Variants in HELZ observed in about 807,000 individuals in gnomAD.
The protein encoded by HELZ is ATP-dependent RNA helicase with zinc finger domain.
HELZ carries 23 observed loss-of-function variants against 218.2 expected under a neutral mutation model. That is an observed-to-expected ratio of 0.11 (90% confidence interval 0.08 to 0.15). The LOEUF is 0.15. Ranked by LOEUF, HELZ falls within the 10% of genes least tolerant of loss-of-function variation. HELZ has a pLI of 1.00. For missense variants in HELZ, 1,813 were observed against 2,353.7 expected, an observed-to-expected ratio of 0.77 and a Z score of 4.75; for synonymous variants, 814 against 829.4, an observed-to-expected ratio of 0.98 and a Z score of 0.32.
At chr17:67,217,914 G>GT (rs2040644624) in intron 4 of HELZ, among the ~76,000 whole-genome samples, 1 of 148,842 alleles carries the variant, frequency 6.7e-6, no homozygotes. Flanking sequence ...TTTTTTTTTG[G>GT]TTTTTGTTTT....
At chr17:67,234,077 A>C (rs1365595603) in intron 3 of HELZ, among the ~76,000 whole-genome samples, 2 of 150,670 alleles carry the variant, frequency 1.3e-5, no homozygotes, top group Non-Finnish European at 3.0e-5. Context: ...GAGAGAGAGA[A>C]CTTTGGGAGG....
At chr17:67,152,159 GGA>G (rs1343332619) in intron 17 of HELZ, among the ~76,000 whole-genome samples, 7 of 152,210 alleles carry the variant, frequency 4.6e-5, no homozygotes, top group African/African-American at 1.7e-4. Flanking sequence ...GCTAGGAAGG[GGA>G]GAGGATTCCG....
intron 32 of HELZ, among the ~76,000 whole-genome samples, chr17:67,086,625 A>AATATAAATATAT (rs1443983741): frequency 2.6e-5 from 1 of 38,546 alleles, no homozygotes; most frequent in Non-Finnish European, 4.6e-5. Context: ...AATAAATATA[A>AATATAAATATAT]ATATAAATAT....
intron 5 of HELZ, among the ~76,000 whole-genome samples, chr17:67,212,531 G>A (rs1248835252): frequency 6.6e-6 from 1 of 151,564 alleles, no homozygotes; most frequent in Non-Finnish European, 1.5e-5. Flanking sequence ...ACTAAAAGTT[G>A]AAAAGAAAAA....
Position 67,167,612 on chromosome 17 carries a change from C to G in HELZ, c.1615G>C (p.Val539Leu), listed in dbSNP as rs1044755795. ...TKVNAVYLLP[V>L]PKQKLVQTQG... ...GTCTGTACTAACTTCTGTTTAGGGA[C>G]TGGTAATAAATAAACAGCATTGACT... The change falls in exon 14 of 33, where the codon GTC becomes CTC. Residue 539 changes from valine (V) to leucine (L), a missense_variant. By Grantham distance (32) the Val-to-Leu change is conservative. Coordinates refer to ENST00000358691, the MANE Select transcript of HELZ (RefSeq NM_014877.4). The G allele has an allele frequency of 6.2e-7, 1 of 1,614,150 alleles. No individual in the cohort carries two copies. Among genetic ancestry groups the G allele is most frequent in the Non-Finnish European group, 8.5e-7 (1 of 1,180,026 alleles).
chr17:67,204,519 T>C (rs1027190789), intron 5 of HELZ, among the ~76,000 whole-genome samples: 1 of 152,220 alleles, frequency 6.6e-6, no homozygotes, highest in African/African-American at 2.4e-5. Context: ...TTTATCTTAT[T>C]ATTGGCTATA....
rs1192107352 is a variant in HELZ, at chr17:67,070,485, G to T, written c.*7767C>A. On this transcript the variant is annotated 3_prime_UTR_variant, in exon 33 of 33. Transcript: ENST00000358691. ...TTATTATAAATACATTTTAGTTGTAGCAGTAAAATACATTTTGTTACCATG... is the reference window on the plus strand; with the variant it reads ...TTATTATAAATACATTTTAGTTGTATCAGTAAAATACATTTTGTTACCATG... 1 of 152,176 alleles carries T rather than the reference G, an allele frequency of 6.6e-6. No individual in the cohort carries two copies. The highest frequency in any genetic ancestry group is 2.4e-5 in the African/African-American group (1 of 41,444). The allele number at this position is 152,176 out of a possible 1,614,324, so 9.4% of individuals were successfully genotyped here.
At chr17:67,138,226 A>G (rs913604764) in intron 21 of HELZ, 112 bp from the exon 22 acceptor site, 1 of 264,100 alleles carries the variant, frequency 3.8e-6, no homozygotes, top group African/African-American at 3.9e-5. Flanking sequence ...GATGTCATTT[A>G]AAAAAAAAAA....
chr17:67,141,030 C>G (rs1398435828), intron 21 of HELZ, among the ~76,000 whole-genome samples: 10 of 152,102 alleles, frequency 6.6e-5, no homozygotes, highest in Admixed American at 6.6e-4. Flanking sequence ...GAAACATAAC[C>G]TAAGAGAATT....
intron 32 of HELZ, among the ~76,000 whole-genome samples, chr17:67,086,423 T>C (rs137856700): frequency 8.7e-4 from 132 of 150,940 alleles, no homozygotes; most frequent in African/African-American, 3.1e-3. Context: ...CATCTCTAGA[T>C]ACAAAAAATT....
At position 67,084,684 on chromosome 17, in the gene HELZ, AAAAG is replaced by A. The variant is rs2036307637; in HGVS notation, c.5494+2141_5494+2144del. On this transcript the variant is annotated intron_variant, in intron 32 of 32. Coordinates refer to ENST00000358691, the MANE Select transcript of HELZ (RefSeq NM_014877.4). ...TCTCAAAAAAAAAAAAAAAGAAAGA[AAAAG>A]AAGAAGAGAAATGATGTTATCGTAA... is the stretch of plus-strand genomic sequence containing the variant. Among the ~76,000 whole-genome samples the A allele has an allele frequency of 2.6e-5, 4 of 152,222 alleles. No homozygotes were observed. The South Asian group carries it at 6.2e-4, about 24-fold the overall frequency.
chr17:67,083,756 C>G (rs572861785), intron 32 of HELZ, among the ~76,000 whole-genome samples: 1 of 152,326 alleles, frequency 6.6e-6, no homozygotes, highest in South Asian at 2.1e-4. Flanking sequence ...CCAAACATAC[C>G]TGTGTTGGAG....
At chr17:67,142,471 G>A (rs2038357189) in intron 21 of HELZ, among the ~76,000 whole-genome samples, 2 of 152,140 alleles carry the variant, frequency 1.3e-5, no homozygotes, top group Non-Finnish European at 2.9e-5. Context: ...TCATGTCACT[G>A]CCTTCCAGCC....
Position 67,203,445 on chromosome 17 carries a change from T to C in HELZ, c.248-2A>G. ...CCTTGGCCAGTCCTTCTCCCAGCAC[T>C]GCCATGAAAGAACAGCCATCATTAA... is the stretch of plus-strand genomic sequence containing the variant. On this transcript the variant is annotated splice_acceptor_variant, in intron 5 of 32. Transcript: ENST00000358691. LOFTEE classifies it high-confidence loss of function. The C allele has an allele frequency of 6.2e-7, 1 of 1,613,154 alleles. No homozygotes were observed. The highest frequency in any genetic ancestry group is 2.2e-5 in the East Asian group (1 of 44,868).
At chr17:67,176,868 G>A in intron 13 of HELZ, among the ~76,000 whole-genome samples, 1 of 151,998 alleles carries the variant, frequency 6.6e-6, no homozygotes, top group Non-Finnish European at 1.5e-5. Flanking sequence ...TTTTTAAAAA[G>A]ATCACACCAA....
intron 9 of HELZ, among the ~76,000 whole-genome samples, chr17:67,192,221 A>C (rs2039916666): frequency 6.6e-6 from 1 of 152,090 alleles, no homozygotes; most frequent in South Asian, 2.1e-4. Flanking sequence ...AAAAAAATAC[A>C]TAATTAAATG....
intron 21 of HELZ, among the ~76,000 whole-genome samples, chr17:67,141,237 C>T (rs2038312148): frequency 1.3e-5 from 2 of 152,028 alleles, no homozygotes; most frequent in African/African-American, 4.8e-5. Context: ...ACTGCAAAAA[C>T]CCATATGTAT....
Position 67,109,584 on chromosome 17 carries a change from G to A in HELZ, c.4021C>T (p.His1341Tyr). The change falls in exon 29 of 33, where the codon CAC becomes TAC. Residue 1341 changes from histidine to tyrosine, a missense_variant. Physicochemically the swap from His to Tyr is moderately conservative, Grantham distance 83. Coordinates refer to ENST00000358691, the MANE Select transcript of HELZ (RefSeq NM_014877.4). ...FPRKDNLNPR[H>Y]INLPLPAPHA... ...GGAGCAGGAAGGGGAAGATTTATGT[G>A]TCTTGGGTTGAGATTATCTTTGCGA... 1 of 1,614,182 alleles carries A rather than the reference G, an allele frequency of 6.2e-7. No homozygotes were observed. The highest frequency in any genetic ancestry group is 8.5e-7 in the Non-Finnish European group (1 of 1,180,002).
chr17:67,233,953 C>T (rs930232802), intron 3 of HELZ, among the ~76,000 whole-genome samples: 2 of 147,566 alleles, frequency 1.4e-5, no homozygotes, highest in African/African-American at 2.5e-5. Context: ...GGCTGAGGCA[C>T]GAGAATCGCT....
Sources: gnomAD v4.1 joint callset for allele counts (sites outside exome capture counted in the v4.1 genomes callset) on GRCh38, gnomAD v4.1.1 for gene constraint, MANE v1.5 for transcripts, NCBI Gene and HGNC (gene_info 2026-07-23, HGNC 2026-07-21) for gene names.